HMGA1: variants seen among roughly 807,000 people sequenced by gnomAD.
The protein encoded by HMGA1 is high mobility group AT-hook 1.
HMGA1 carries 1 observed loss-of-function variant against 15.1 expected under a neutral mutation model. The observed-to-expected ratio is 0.07, with a 90% CI of 0.02 to 0.31. HMGA1 has a LOEUF of 0.31. Among genes scored for constraint, HMGA1 ranks in the 10% least tolerant of loss-of-function variants. The probability of loss-of-function intolerance (pLI) is 1.00; values close to 1 mark genes in which losing one functional copy is unlikely to be tolerated. For missense variants in HMGA1, 94 were observed against 141.4 expected (o/e 0.66, Z 1.70); for synonymous variants, 56 against 54.8 (o/e 1.02, Z -0.10).
In HMGA1 at chr6:34,245,200, G is replaced by T; in HGVS notation, c.*316G>T. ...CTTAGCCGCACCCTGCACCTGCTGC[G>T]TCCCCACTCCCTTGGTGGTGGGGAC... On this transcript the variant is annotated 3_prime_UTR_variant, in exon 6 of 6. Transcript: ENST00000311487. The T allele has an allele frequency of 7.1e-7, 1 of 1,414,784 alleles. No individual in the cohort carries two copies. The highest frequency in any genetic ancestry group is 1.2e-5 in the South Asian group (1 of 82,132). 87.6% of individuals were successfully genotyped at this position (1,414,784 alleles called of 1,614,324 possible). A position where few individuals can be genotyped will look rare whatever the true frequency, so the allele number is the denominator to read the frequency against.
rs1490551444 is a variant in HMGA1, at chr6:34,245,616, T to TG, written c.*734dup. 7.2e-7 allele frequency: 1 copy of TG among 1,380,270 alleles called. No individual in the cohort carries two copies. Among genetic ancestry groups the TG allele is most frequent in the African/African-American group, 1.4e-5 (1 of 69,560 alleles). The allele number at this position is 1,380,270 out of a possible 1,614,324, so 85.5% of individuals were successfully genotyped here. ...GGGATCTGAGTACATATTGTGGTGA[T>TG]GGAGATGCAGTCACTTATTGTCCAG... On this transcript the variant is annotated 3_prime_UTR_variant, in exon 6 of 6. Coordinates refer to ENST00000311487, the MANE Select transcript of HMGA1 (RefSeq NM_145899.3).
At chr6:34,244,756 C>T (rs113673508) in intron 5 of HMGA1, 75 bp from the exon 6 acceptor site, 53 of 1,243,698 alleles carry the variant, frequency 4.3e-5, no homozygotes, top group African/African-American at 1.0e-4. Context: ...GTGCAGGGAG[C>T]GGGTGGGGCC....
chr6:34,237,378 G>T (rs1168289605), intron 2 of HMGA1, 61 bp downstream of exon 2: 1 of 145,070 alleles, frequency 6.9e-6, no homozygotes, highest in African/African-American at 2.5e-5. Context: ...GCCCCCGCCC[G>T]CACGTCGCCC....
chr6:34,239,846 A>G (rs1762152977), intron 2 of HMGA1, among the ~76,000 whole-genome samples: 1 of 152,182 alleles, frequency 6.6e-6, no homozygotes, highest in African/African-American at 2.4e-5. Context: ...AAGAAGGAAG[A>G]TGCTAGAAAA....
intron 2 of HMGA1, among the ~76,000 whole-genome samples, chr6:34,238,035 G>C (rs1279483297): frequency 2.0e-5 from 3 of 152,118 alleles, no homozygotes. Context: ...TTGACTCCCC[G>C]TTTCTATTTT....
At chr6:34,242,300 C>T (rs1298111177) in intron 3 of HMGA1, among the ~76,000 whole-genome samples, 6 of 152,088 alleles carry the variant, frequency 3.9e-5, no homozygotes. Context: ...GATAACCATA[C>T]ATTACCCATT....
Position 34,245,170 on chromosome 6 carries a change from T to A in HMGA1, c.*286T>A, listed in dbSNP as rs1216102966. The A allele has an allele frequency of 7.0e-7, 1 of 1,437,974 alleles. No individual in the cohort carries two copies. The highest frequency in any genetic ancestry group is 2.1e-5 in the Admixed American group (1 of 47,678). The allele number at this position is 1,437,974 out of a possible 1,614,324, so 89.1% of individuals were successfully genotyped here. A position where few individuals can be genotyped will look rare whatever the true frequency, so the allele number is the denominator to read the frequency against. On this transcript the variant is annotated 3_prime_UTR_variant, in exon 6 of 6. Transcript: ENST00000311487. ...CATGCCCTCCTGGACAAGGCTAACA[T>A]CCCACTTAGCCGCACCCTGCACCTG...
At chr6:34,241,520 C>A (rs1762307649) in intron 3 of HMGA1, among the ~76,000 whole-genome samples, 1 of 152,168 alleles carries the variant, frequency 6.6e-6, no homozygotes, top group Non-Finnish European at 1.5e-5. Flanking sequence ...CCCAAGAAGT[C>A]AAAAATGTTG....
chr6:34,239,545 AAT>A (rs1334981549), intron 2 of HMGA1, among the ~76,000 whole-genome samples: 7 of 152,148 alleles, frequency 4.6e-5, no homozygotes, highest in African/African-American at 1.7e-4. Flanking sequence ...GGTACCTTAT[AAT>A]TACCTTGATC....
At chr6:34,243,869 TA>T (rs896667448) in intron 5 of HMGA1, among the ~76,000 whole-genome samples, 11 of 152,034 alleles carry the variant, frequency 7.2e-5, no homozygotes, top group African/African-American at 1.9e-4. Flanking sequence ...AAGGAAGCCA[TA>T]GGGGGAAGGT....
chr6:34,243,443 G>C (rs779618528), intron 4 of HMGA1, 25 bp from the exon 5 acceptor site: 2 of 1,597,712 alleles, frequency 1.3e-6, no homozygotes, highest in Non-Finnish European at 1.7e-6. Flanking sequence ...TTTGGACTTA[G>C]GAGATATTTT....
intron 2 of HMGA1, among the ~76,000 whole-genome samples, chr6:34,237,764 G>A (rs1165841703): frequency 2.0e-5 from 3 of 151,564 alleles, no homozygotes; most frequent in Non-Finnish European, 4.4e-5. Context: ...AGAGTGGGGG[G>A]TCGGGCGCCC....
In HMGA1 at chr6:34,245,167, A is replaced by G; in HGVS notation, c.*283A>G. Reference sequence around the variant, plus strand: ...ACACATGCCCTCCTGGACAAGGCTAACATCCCACTTAGCCGCACCCTGCAC... The same window carrying G: ...ACACATGCCCTCCTGGACAAGGCTAGCATCCCACTTAGCCGCACCCTGCAC... On this transcript the variant is annotated 3_prime_UTR_variant, in exon 6 of 6. Transcript: ENST00000311487. 1 of 1,459,562 alleles carries G rather than the reference A, an allele frequency of 6.9e-7. No individual in the cohort carries two copies. Among genetic ancestry groups the G allele is most frequent in the South Asian group, 1.2e-5 (1 of 82,478 alleles). The allele number at this position is 1,459,562 out of a possible 1,614,324, so 90.4% of individuals were successfully genotyped here.
intron 2 of HMGA1, chr6:34,240,532 T>A: frequency 2.0e-6 from 1 of 511,890 alleles, no homozygotes; most frequent in Non-Finnish European, 3.5e-6. Flanking sequence ...AGGAGATAGA[T>A]AAGAAGCTGA....
rs961165424 is a variant in HMGA1 at position 34,246,162 on chromosome 6, C to T, written c.*1278C>T. 7 of 249,014 alleles carry T rather than the reference C, an allele frequency of 2.8e-5. No homozygotes were observed. Among genetic ancestry groups the T allele is most frequent in the African/African-American group, 4.4e-5 (2 of 45,328 alleles). The allele number at this position is 249,014 out of a possible 1,614,324, so 15.4% of individuals were successfully genotyped here. ...TTGGGGAGGGGTAGCCATGATTTGT[C>T]CCAGCCTGGGGCTCCCTCTCTGGTT... On this transcript the variant is annotated 3_prime_UTR_variant, in exon 6 of 6. Transcript: ENST00000311487.
intron 4 of HMGA1, among the ~76,000 whole-genome samples, chr6:34,243,074 G>A (rs1762430708): frequency 6.6e-6 from 1 of 152,170 alleles, no homozygotes. Flanking sequence ...GCAGAGTGGG[G>A]AGAATGGAGG....
chr6:34,241,119 C>T (rs774242507), intron 3 of HMGA1, among the ~76,000 whole-genome samples: 5 of 152,122 alleles, frequency 3.3e-5, no homozygotes, highest in African/African-American at 7.2e-5. Context: ...AGGAGAGAAC[C>T]GGGGGCCGAG....
chr6:34,242,108 T>C (rs953126698), intron 3 of HMGA1, among the ~76,000 whole-genome samples: 10 of 152,192 alleles, frequency 6.6e-5, no homozygotes, highest in African/African-American at 1.7e-4. Context: ...AGCAGCTTTT[T>C]ATTCTATCTA....
At chr6:34,242,177 T>G (rs1340442293) in intron 3 of HMGA1, among the ~76,000 whole-genome samples, 1 of 152,140 alleles carries the variant, frequency 6.6e-6, no homozygotes, top group Non-Finnish European at 1.5e-5. Flanking sequence ...CGGCTATAAT[T>G]CCCCTTCTCT....
Sources: gnomAD v4.1 joint callset for allele counts (sites outside exome capture counted in the v4.1 genomes callset) on GRCh38, gnomAD v4.1.1 for gene constraint, MANE v1.5 for transcripts, NCBI Gene and HGNC (gene_info 2026-07-23, HGNC 2026-07-21) for gene names.